The following SHLD1 variants were observed in gnomAD, a reference collection of about 807,000 sequenced individuals.
The protein encoded by SHLD1 is shieldin complex subunit 1, also known as RINN1-REV7-interacting novel NHEJ regulator 3.
Under a neutral mutation model 5.5 loss-of-function variants are expected in SHLD1, and 3 were observed. The ratio of observed to expected loss-of-function variants is 0.54; its 90% CI spans 0.25 to 1.40. The LOEUF is 1.40. SHLD1 is among the 40% of genes most tolerant of loss of function. The pLI is 0.15. For missense variants in SHLD1, 210 were observed against 244.4 expected (o/e 0.86, Z 0.94); for synonymous variants, 92 against 94.3 (o/e 0.98, Z 0.14).
At chr20:5,762,057 G>A (rs145845901) in intron 1 of SHLD1, among the ~76,000 whole-genome samples, 2,140 of 151,456 alleles carry the variant, frequency 0.014, 54 homozygotes, top group African/African-American at 0.049. Flanking sequence ...TTCAAGACCA[G>A]CCTGACCAAC....
chr20:5,842,075 A>G (rs1460424424), intron 2 of SHLD1, among the ~76,000 whole-genome samples: 3 of 152,230 alleles, frequency 2.0e-5, no homozygotes, highest in Non-Finnish European at 4.4e-5. Flanking sequence ...ATGGAATGAA[A>G]CTTTCAGAAA....
At chr20:5,761,846 C>T (rs1332389051) in intron 1 of SHLD1, among the ~76,000 whole-genome samples, 2 of 151,834 alleles carry the variant, frequency 1.3e-5, no homozygotes, top group East Asian at 3.9e-4. Flanking sequence ...GACCTCAAGT[C>T]ATCCACCTGC....
In SHLD1 at chr20:5,831,057, A is replaced by G. The variant is rs1375349891; in HGVS notation, c.179-31967A>G. ...AAGGCATTGCAATAATTTAAGGAAGAGTTGGTCACCATCCTTCTGTGCTTC... is the reference window on the plus strand; with the variant it reads ...AAGGCATTGCAATAATTTAAGGAAGGGTTGGTCACCATCCTTCTGTGCTTC... On this transcript the variant is annotated intron_variant, in intron 2 of 2. Transcript: ENST00000303142. Among the ~76,000 whole-genome samples, 143 of 152,224 alleles carry G rather than the reference A, an allele frequency of 9.4e-4. 2 individuals carry two copies. The highest frequency in any genetic ancestry group is 9.4e-3 in the Admixed American group (143 of 15,282).
intron 2 of SHLD1, among the ~76,000 whole-genome samples, chr20:5,786,662 C>G (rs2087064349): frequency 6.6e-6 from 1 of 152,180 alleles, no homozygotes; most frequent in Non-Finnish European, 1.5e-5. Context: ...CAGAGAAGGT[C>G]CTGTCCCATG....
At chr20:5,760,802 G>A (rs1037383694) in intron 1 of SHLD1, among the ~76,000 whole-genome samples, 1 of 152,252 alleles carries the variant, frequency 6.6e-6, no homozygotes, top group East Asian at 1.9e-4. Flanking sequence ...AAGTGGTCAA[G>A]GAGAAGAGAA....
At chr20:5,758,354 A>G (rs1600087847) in intron 1 of SHLD1, among the ~76,000 whole-genome samples, 6 of 82,424 alleles carry the variant, frequency 7.3e-5, no homozygotes, top group African/African-American at 1.0e-4. Context: ...GGGGGAGGGG[A>G]AGGAGAGGGG....
chr20:5,789,915 T>G (rs1445427335), intron 2 of SHLD1, among the ~76,000 whole-genome samples: 5 of 152,082 alleles, frequency 3.3e-5, no homozygotes, highest in Non-Finnish European at 5.9e-5. Context: ...AGATTATCTA[T>G]CCAACATGAC....
chr20:5,857,934 C>T (rs2088111032), intron 2 of SHLD1, among the ~76,000 whole-genome samples: 2 of 152,076 alleles, frequency 1.3e-5, no homozygotes, highest in African/African-American at 2.4e-5. Context: ...CCCGTCTCTA[C>T]TGAAAATACA....
chr20:5,800,865 C>G (rs1375243012), intron 2 of SHLD1, among the ~76,000 whole-genome samples: 1 of 150,896 alleles, frequency 6.6e-6, no homozygotes, highest in East Asian at 1.9e-4. Flanking sequence ...GTGCGTATGT[C>G]TATATCTCCT....
chr20:5,766,567 C>G (rs1984839861), intron 1 of SHLD1, among the ~76,000 whole-genome samples: 2 of 152,072 alleles, frequency 1.3e-5, no homozygotes, highest in South Asian at 4.1e-4. Flanking sequence ...ATGTGTTTCC[C>G]TGGGCAAGTG....
intron 2 of SHLD1, among the ~76,000 whole-genome samples, chr20:5,833,285 G>A (rs2087751125): frequency 6.6e-6 from 1 of 152,136 alleles, no homozygotes; most frequent in Non-Finnish European, 1.5e-5. Context: ...AGGTTGAGGG[G>A]TACACGTGCA....
intron 2 of SHLD1, among the ~76,000 whole-genome samples, chr20:5,778,440 T>TA (rs911232137): frequency 2.7e-5 from 4 of 150,844 alleles, no homozygotes; most frequent in African/African-American, 4.9e-5. Flanking sequence ...CTGTCTCTAC[T>TA]AAAAAAAAAT....
intron 1 of SHLD1, among the ~76,000 whole-genome samples, chr20:5,770,325 T>G (rs1179074107): frequency 6.6e-6 from 1 of 152,248 alleles, no homozygotes. Flanking sequence ...CATAATTTTG[T>G]GCTTTAATGT....
At chr20:5,862,846 C>T (rs1343177) in intron 2 of SHLD1, among the ~76,000 whole-genome samples, 178 bp from the exon 3 acceptor site, 110,540 of 152,148 alleles carry the variant, frequency 0.73, 40,326 homozygotes, top group African/African-American at 0.79. Flanking sequence ...TGTGAGCAAG[C>T]AAGTGGCATA....
At chr20:5,785,981 C>A (rs6053687) in intron 2 of SHLD1, among the ~76,000 whole-genome samples, 1,686 of 152,162 alleles carry the variant, frequency 0.011, 31 homozygotes, top group African/African-American at 0.038. Context: ...CTCCCATCTT[C>A]CTGTTGTGGA....
At chr20:5,797,063 T>G (rs1449570243) in intron 2 of SHLD1, among the ~76,000 whole-genome samples, 1 of 152,158 alleles carries the variant, frequency 6.6e-6, no homozygotes, top group Non-Finnish European at 1.5e-5. Flanking sequence ...GAGCTCTGGA[T>G]TCTATCTTTT....
chr20:5,769,347 A>G (rs1457122626), intron 1 of SHLD1, among the ~76,000 whole-genome samples: 1 of 152,176 alleles, frequency 6.6e-6, no homozygotes, highest in Non-Finnish European at 1.5e-5. Flanking sequence ...CTCTGCTGAG[A>G]GCAATTCTTT....
At chr20:5,784,611 C>G (rs560391330) in intron 2 of SHLD1, among the ~76,000 whole-genome samples, 13 of 151,872 alleles carry the variant, frequency 8.6e-5, no homozygotes, top group Non-Finnish European at 2.9e-5. Context: ...CCACCACGCC[C>G]GGCTAATTTT....
At chr20:5,844,656 A>G (rs1222420250) in intron 2 of SHLD1, among the ~76,000 whole-genome samples, 2 of 152,020 alleles carry the variant, frequency 1.3e-5, no homozygotes, top group Non-Finnish European at 2.9e-5. Flanking sequence ...CTCTAATGCC[A>G]GGATGGGGCA....
Sources: allele counts gnomAD v4.1 joint callset (sites outside exome capture counted in the v4.1 genomes callset), GRCh38; gene constraint gnomAD v4.1.1; transcripts MANE v1.5; gene names NCBI Gene and HGNC (gene_info 2026-07-23, HGNC 2026-07-21).